The following NXPE1 variants were observed in gnomAD, a reference collection of about 807,000 sequenced individuals.
NXPE1 encodes neurexophilin and PC-esterase domain family member 1, also known as NXPE family member 1.
A neutral mutation model predicts 33.3 loss-of-function variants in NXPE1; 31 were observed. The ratio of observed to expected loss-of-function variants is 0.93; its 90% CI spans 0.70 to 1.26. NXPE1 has a LOEUF of 1.26. NXPE1 is among the 50% of genes most tolerant of loss of function. The pLI is 0.00. For missense variants in NXPE1, 661 were observed against 655.6 expected (o/e 1.01, Z -0.09); for synonymous variants, 229 against 231.4 (o/e 0.99, Z 0.09).
At chr11:114,555,074 C>T (rs1260992808) in intron 1 of NXPE1, among the ~76,000 whole-genome samples, 1 of 151,408 alleles carries the variant, frequency 6.6e-6, no homozygotes. Flanking sequence ...AGCCTGTCTA[C>T]ATCTACCTAT....
At chr11:114,557,334 C>T (rs1363291718) in intron 1 of NXPE1, among the ~76,000 whole-genome samples, 2 of 151,998 alleles carry the variant, frequency 1.3e-5, no homozygotes, top group Non-Finnish European at 2.9e-5. Flanking sequence ...TTAATGAAGT[C>T]TAATATAAAT....
intron 5 of NXPE1, among the ~76,000 whole-genome samples, chr11:114,544,120 G>T (rs2135067895): frequency 6.6e-6 from 1 of 152,266 alleles, no homozygotes; most frequent in South Asian, 2.1e-4. Context: ...CATGTTCATG[G>T]ATTGGACAGA....
chr11:114,548,290 G>T (rs1444284667), intron 5 of NXPE1, among the ~76,000 whole-genome samples: 1 of 152,040 alleles, frequency 6.6e-6, no homozygotes, highest in Non-Finnish European at 1.5e-5. Flanking sequence ...AGTTAGTAAG[G>T]CTATTAAAGA....
chr11:114,523,168 T>C lies in NXPE1; in HGVS notation c.896-77A>G, dbSNP rs984054322. On this transcript the variant is annotated intron_variant, in intron 7 of 8. Transcript: ENST00000534921. ...AGCCTTCTTTCCTGGTCTTTCATTT[T>C]CTTGCTCTCTTTCCCCCTTCCTGTA... is the stretch of plus-strand genomic sequence containing the variant. 5.8e-6 allele frequency: 6 copies of C among 1,038,822 alleles called. No homozygotes were observed. The African/African-American group carries it at 7.9e-5, about 14-fold the overall frequency. 64.4% of individuals were successfully genotyped at this position (1,038,822 alleles called of 1,614,324 possible).
intron 1 of NXPE1, chr11:114,553,945 C>G: frequency 1.0e-6 from 1 of 985,336 alleles, no homozygotes; most frequent in Non-Finnish European, 1.2e-6. Context: ...TCTGGGAGAG[C>G]AGGTTTGTCA....
rs1491116717 is a variant in NXPE1 at position 114,557,673 on chromosome 11, A to ATC, written c.-211+2124_-211+2125insGA. Among the ~76,000 whole-genome samples, 39 of 123,918 alleles carry ATC rather than the reference A, an allele frequency of 3.1e-4. 1 individual carries two copies. Among genetic ancestry groups the ATC allele is most frequent in the Non-Finnish European group, 3.4e-5 (2 of 59,298 alleles). 81.3% of individuals were successfully genotyped at this position (123,918 alleles called of 152,430 possible). On this transcript the variant is annotated intron_variant, in intron 1 of 8. Transcript: ENST00000534921. ...TATATATATATATATATATATATAT[A>ATC]AAATCCTTGTTCATTTATATTTGTA...
At chr11:114,521,705 C>T in exon 9 of NXPE1, 2 of 387,968 alleles carry the variant, frequency 5.2e-6, no homozygotes, top group Non-Finnish European at 4.6e-6. Context: ...TTCAAATCAG[C>T]TTAATAACAT....
At chr11:114,525,772 G>A (rs1947349939) in intron 7 of NXPE1, among the ~76,000 whole-genome samples, 1 of 152,186 alleles carries the variant, frequency 6.6e-6, no homozygotes, top group Non-Finnish European at 1.5e-5. Flanking sequence ...ACCATTTAGT[G>A]AAGTGTATAT....
intron 7 of NXPE1, among the ~76,000 whole-genome samples, chr11:114,524,271 C>CA (rs34437626): frequency 0.6 from 91,119 of 152,040 alleles, 29,102 homozygotes; most frequent in African/African-American, 0.84. Context: ...GGTCTAGCCA[C>CA]AACTGGTTTC....
At chr11:114,519,700 T>C (rs1018178293), downstream of NXPE1, among the ~76,000 whole-genome samples, 6 of 152,044 alleles carry the variant, frequency 3.9e-5, no homozygotes, top group Non-Finnish European at 5.9e-5. Context: ...TGCAGAGGCT[T>C]CAGAGACTGA....
At chr11:114,534,294 T>A (rs1048742013) in intron 5 of NXPE1, among the ~76,000 whole-genome samples, 1 of 151,906 alleles carries the variant, frequency 6.6e-6, no homozygotes, top group South Asian at 2.1e-4. Context: ...TACATAACCA[T>A]CATCAAAGAC....
intron 5 of NXPE1, among the ~76,000 whole-genome samples, chr11:114,539,597 A>T (rs374058513): frequency 2.6e-5 from 4 of 152,212 alleles, no homozygotes; most frequent in African/African-American, 4.8e-5. Context: ...CTCAAAAAAA[A>T]TTAAAAATTT....
intron 5 of NXPE1, among the ~76,000 whole-genome samples, chr11:114,533,122 A>G (rs1388522671): frequency 4.6e-5 from 7 of 152,232 alleles, no homozygotes; most frequent in Non-Finnish European, 7.3e-5. Context: ...CCAAGGTATG[A>G]GAATGATGGG....
In NXPE1 at chr11:114,528,894, G is replaced by T. The variant is rs141144578; in HGVS notation, c.834-993C>A. ...CTAGGATTTAGGCATAAGGATGGTTGATGGGTAGGAAGAGATTTGATGAGA... is the reference window on the plus strand; with the variant it reads ...CTAGGATTTAGGCATAAGGATGGTTTATGGGTAGGAAGAGATTTGATGAGA... On this transcript the variant is annotated intron_variant, in intron 6 of 8. Coordinates refer to ENST00000534921, the Ensembl canonical transcript of NXPE1. The T allele has an allele frequency of 3.5e-4, 208 of 598,086 alleles. No homozygotes were observed. The African/African-American group carries it at 3.6e-3, about 10-fold the overall frequency. The allele number at this position is 598,086 out of a possible 1,614,324, so 37.0% of individuals were successfully genotyped here.
chr11:114,523,587 C>T (rs1001982760), intron 7 of NXPE1, among the ~76,000 whole-genome samples: 1 of 152,170 alleles, frequency 6.6e-6, no homozygotes. Flanking sequence ...CCTAGCTTGA[C>T]AATTTTTTGT....
intron 5 of NXPE1, among the ~76,000 whole-genome samples, chr11:114,547,769 G>T (rs1365166634): frequency 1.3e-5 from 2 of 152,032 alleles, no homozygotes; most frequent in African/African-American, 4.8e-5. Context: ...ATGGCACCCT[G>T]GATGGGATTG....
At chr11:114,520,916 C>G (rs541933444), downstream of NXPE1, among the ~76,000 whole-genome samples, 1 of 152,270 alleles carries the variant, frequency 6.6e-6, no homozygotes, top group African/African-American at 2.4e-5. Flanking sequence ...TGTTACAAAG[C>G]TTTAAAATTA....
rs553264683 is a variant in NXPE1, at chr11:114,551,002, G to C, written c.99+101C>G. 6.7e-5 allele frequency: 43 copies of C among 645,642 alleles called. No homozygotes were observed. In the Admixed American group the frequency reaches 9.8e-4, roughly 15 times the overall value. 40.0% of individuals were successfully genotyped at this position (645,642 alleles called of 1,614,324 possible). ...GAGAAGATAGGGCAGTAGTTGAGGT[G>C]GGGGAGGAGGGGCAGGACTAATGGA... On this transcript the variant is annotated intron_variant, in intron 5 of 8. Coordinates refer to ENST00000534921, the Ensembl canonical transcript of NXPE1.
chr11:114,532,226 A>G (rs1423130677), intron 5 of NXPE1, among the ~76,000 whole-genome samples: 1 of 152,250 alleles, frequency 6.6e-6, no homozygotes, highest in Admixed American at 6.5e-5. Flanking sequence ...GATATCATTT[A>G]AAAAAGATGA....
Sources: gnomAD v4.1 joint callset for allele counts (sites outside exome capture counted in the v4.1 genomes callset) on GRCh38, gnomAD v4.1.1 for gene constraint, MANE v1.5 for transcripts, NCBI Gene and HGNC (gene_info 2026-07-23, HGNC 2026-07-21) for gene names.